The following OCIAD2 variants were observed in gnomAD, a reference collection of about 807,000 sequenced individuals.
OCIAD2 encodes the protein OCIA domain-containing protein 2.
Under a neutral mutation model 22.9 loss-of-function variants are expected in OCIAD2, and 29 were observed. The ratio of observed to expected loss-of-function variants is 1.27; its 90% confidence interval spans 0.94 to 1.73. OCIAD2 has a LOEUF of 1.73. OCIAD2 is among the 40% of genes most tolerant of loss of function. The pLI is 0.00. For missense variants in OCIAD2, 189 were observed against 180.3 expected (o/e 1.05, Z -0.28); for synonymous variants, 67 against 60.2 (o/e 1.11, Z -0.52).
At chr4:48,904,417 C>G in intron 2 of OCIAD2, 67 bp downstream of exon 2, 1 of 1,384,100 alleles carries the variant, frequency 7.2e-7, no homozygotes, top group Non-Finnish European at 1.0e-6. Flanking sequence ...CCACTGCACT[C>G]CAGTCTGGGT....
chr4:48,900,062 T>G (rs981652635), intron 2 of OCIAD2, 137 bp from the exon 3 acceptor site: 4 of 562,736 alleles, frequency 7.1e-6, no homozygotes, highest in African/African-American at 3.9e-5. Flanking sequence ...CCAAAGCAAT[T>G]ATCAGTTTCC....
At chr4:48,895,365 C>T (rs1020078112) in intron 4 of OCIAD2, among the ~76,000 whole-genome samples, 37 of 152,166 alleles carry the variant, frequency 2.4e-4, no homozygotes, top group Non-Finnish European at 4.7e-4. Context: ...TTTTCTGCTG[C>T]TATAACAGAA....
intron 1 of OCIAD2, among the ~76,000 whole-genome samples, chr4:48,904,893 ACCG>A (rs1184362129): frequency 6.6e-6 from 1 of 152,184 alleles, no homozygotes; most frequent in African/African-American, 2.4e-5. Flanking sequence ...AGACAAGATC[ACCG>A]CTGTGAAGGA....
chr4:48,888,308 C>T (rs1226602323), intron 6 of OCIAD2, among the ~76,000 whole-genome samples: 2 of 152,164 alleles, frequency 1.3e-5, no homozygotes, highest in East Asian at 3.9e-4. Flanking sequence ...TTCCTCTTTT[C>T]CTAATTGAAT....
chr4:48,905,008 T>C (rs1180915514), intron 1 of OCIAD2, among the ~76,000 whole-genome samples: 2 of 152,192 alleles, frequency 1.3e-5, no homozygotes, highest in Non-Finnish European at 2.9e-5. Context: ...CCATTCCATC[T>C]AGTCATGTCA....
intron 2 of OCIAD2, among the ~76,000 whole-genome samples, chr4:48,902,962 G>A (rs1781447495): frequency 6.6e-6 from 1 of 151,894 alleles, no homozygotes; most frequent in African/African-American, 2.4e-5. Flanking sequence ...CAAAAAAAAA[G>A]GATCTCTGGT....
Position 48,904,571 on chromosome 4 carries a change from C to T in OCIAD2, c.-22G>A. 7 of 1,612,406 alleles carry T rather than the reference C, an allele frequency of 4.3e-6. No homozygotes were observed. The highest frequency in any genetic ancestry group is 5.9e-6 in the Non-Finnish European group (7 of 1,178,542). On this transcript the variant is annotated 5_prime_UTR_variant, in exon 2 of 7. Transcript: ENST00000508632. ...CCATGATGACTTTGTGCTTGCTCTCCTTCCAGTTGTTTATCCTCTGCTTAC... is the reference window on the plus strand; with the variant it reads ...CCATGATGACTTTGTGCTTGCTCTCTTTCCAGTTGTTTATCCTCTGCTTAC...
intron 2 of OCIAD2, 24 bp from the exon 3 acceptor site, chr4:48,899,949 G>C (rs761194045): frequency 1.2e-5 from 19 of 1,544,146 alleles, no homozygotes; most frequent in Non-Finnish European, 1.7e-5. Flanking sequence ...TATATGGTGA[G>C]CTAACTGAGG....
chr4:48,897,398 T>C (rs949356136), intron 4 of OCIAD2, among the ~76,000 whole-genome samples: 3 of 152,084 alleles, frequency 2.0e-5, no homozygotes, highest in African/African-American at 7.2e-5. Flanking sequence ...CCACTAATGG[T>C]CCCTTCCTCC....
chr4:48,891,058 C>T (rs962327767), intron 6 of OCIAD2, among the ~76,000 whole-genome samples: 19 of 152,110 alleles, frequency 1.2e-4, no homozygotes, highest in African/African-American at 4.6e-4. Flanking sequence ...ATTTATGGTT[C>T]CCTTTAAAAA....
At chr4:48,901,928 T>A (rs1282569180) in intron 2 of OCIAD2, among the ~76,000 whole-genome samples, 1 of 151,964 alleles carries the variant, frequency 6.6e-6, no homozygotes, top group East Asian at 1.9e-4. Flanking sequence ...ACCATTTTTT[T>A]AATAGAGCTG....
intron 4 of OCIAD2, among the ~76,000 whole-genome samples, chr4:48,896,987 G>T (rs1223379754): frequency 6.6e-6 from 1 of 152,186 alleles, no homozygotes; most frequent in African/African-American, 2.4e-5. Flanking sequence ...CAAGGCAGCT[G>T]CTGGTCCTTA....
In OCIAD2 at chr4:48,897,825, T is replaced by A; in HGVS notation, c.196A>T (p.Thr66Ser). The A allele has an allele frequency of 6.2e-7, 1 of 1,612,488 alleles. No individual in the cohort carries two copies. Among genetic ancestry groups the A allele is most frequent in the South Asian group, 1.1e-5 (1 of 90,984 alleles). Residue 66 changes from threonine (T) to serine (S), a missense_variant, in exon 4 of 7, where the codon ACC (threonine) becomes TCC (serine). Coordinates refer to ENST00000508632, the MANE Select transcript of OCIAD2 (RefSeq NM_001014446.3). ...LPFSLVSMLVTQGLVYQGYLA... is the reference protein window; with the variant it reads ...LPFSLVSMLVSQGLVYQGYLA... The stretch of plus-strand genomic sequence containing the variant: ...TTACCTTGGTAGACTAGTCCCTGGG[T>A]GACAAGCATGCTTACAAGAGAAAAA...
intron 6 of OCIAD2, among the ~76,000 whole-genome samples, chr4:48,888,354 C>T (rs976958163): frequency 2.6e-5 from 4 of 152,144 alleles, no homozygotes; most frequent in Non-Finnish European, 5.9e-5. Context: ...ATTGCTCTGG[C>T]CAGAACTTCC....
chr4:48,903,147 T>C (rs571498891), intron 2 of OCIAD2, among the ~76,000 whole-genome samples: 57 of 152,324 alleles, frequency 3.7e-4, no homozygotes, highest in Non-Finnish European at 7.2e-4. Flanking sequence ...ATGAACGCCA[T>C]TGACCCATCA....
In OCIAD2 at chr4:48,903,391, C is replaced by A. The variant is rs1415599117; in HGVS notation, c.66+1093G>T. On this transcript the variant is annotated intron_variant, in intron 2 of 6. Coordinates refer to ENST00000508632, the MANE Select transcript of OCIAD2 (RefSeq NM_001014446.3). Reference sequence around the variant, plus strand: ...CAAAATATTGCCTGTAATCTCAGCACTTTGGGAGGCTGAGGTGGGAGGATC... The same window carrying A: ...CAAAATATTGCCTGTAATCTCAGCAATTTGGGAGGCTGAGGTGGGAGGATC... Among the ~76,000 whole-genome samples the A allele has an allele frequency of 2.6e-5, 4 of 152,020 alleles. No individual in the cohort carries two copies. The East Asian group carries it at 7.7e-4, about 29-fold the overall frequency.
intron 1 of OCIAD2, 117 bp from the exon 2 acceptor site, chr4:48,904,728 TC>T: frequency 1.6e-6 from 1 of 631,372 alleles, no homozygotes; most frequent in Non-Finnish European, 2.8e-6. Flanking sequence ...TTGTCATTAG[TC>T]CATCTGCAAA....
chr4:48,891,978 G>T (rs1279523939), intron 6 of OCIAD2, among the ~76,000 whole-genome samples: 2 of 152,188 alleles, frequency 1.3e-5, no homozygotes, highest in Admixed American at 1.3e-4. Context: ...ATCACTACAG[G>T]ACTAGGGAAT....
intron 6 of OCIAD2, among the ~76,000 whole-genome samples, chr4:48,892,075 C>G (rs1025005096): frequency 6.6e-6 from 1 of 152,212 alleles, no homozygotes; most frequent in Non-Finnish European, 1.5e-5. Context: ...TGTGCTGCTT[C>G]TCAGATAGAA....
Sources: allele counts gnomAD v4.1 joint callset (sites outside exome capture counted in the v4.1 genomes callset), GRCh38; gene constraint gnomAD v4.1.1; transcripts MANE v1.5; gene names NCBI Gene and HGNC (gene_info 2026-07-23, HGNC 2026-07-21).